Variants in TTC14 observed in about 807,000 individuals in gnomAD.
The protein encoded by TTC14 is tetratricopeptide repeat domain 14.
In TTC14, 63 loss-of-function variants were observed where a neutral mutation model predicts 79.9. The observed-to-expected ratio is 0.79, with a 90% CI of 0.64 to 0.97. TTC14 has a LOEUF of 0.97. Ranked by LOEUF, TTC14 falls within the 50% of genes least tolerant of loss-of-function variation. The pLI is 0.00. For missense variants in TTC14, 895 were observed against 894.0 expected (o/e 1.00, Z -0.01); for synonymous variants, 335 against 309.6 (o/e 1.08, Z -0.86).
At chr3:180,613,098 G>A (rs1717090603), downstream of TTC14, among the ~76,000 whole-genome samples, 1 of 152,152 alleles carries the variant, frequency 6.6e-6, no homozygotes. Context: ...TTATCCTGTA[G>A]GCTGCCTGAA....
downstream of TTC14, chr3:180,613,823 C>T (rs765495202): frequency 1.0e-4 from 45 of 446,030 alleles, no homozygotes; most frequent in Middle Eastern, 3.4e-4. Context: ...CCTTTTTTTT[C>T]GCCCACCTTA....
At chr3:180,611,167 A>G (rs1453903977), downstream of TTC14, 1 of 985,234 alleles carries the variant, frequency 1.0e-6, no homozygotes, top group Non-Finnish European at 1.2e-6. Context: ...TAGGAATAAG[A>G]TCATAAAAGT....
At position 180,610,159 on chromosome 3, in the gene TTC14, T is replaced by A. The variant is rs1339591339; in HGVS notation, c.1930T>A (p.Tyr644Asn). Reference protein sequence around the residue: ...CRNSEDKIYGYRRFEKDIEGR... With the variant: ...CRNSEDKIYGNRRFEKDIEGR... ...GAATTCAGAGGACAAGATTTATGGTTATAGGAGATTTGAAAAGGATATAGA... is the reference window on the plus strand; with the variant it reads ...GAATTCAGAGGACAAGATTTATGGTAATAGGAGATTTGAAAAGGATATAGA... The change falls in exon 12 of 12, where the codon TAT becomes AAT. Residue 644 changes from tyrosine (Y) to asparagine (N), a missense_variant. By Grantham distance (143) the Tyr-to-Asn change is moderately radical. Coordinates refer to ENST00000296015, the MANE Select transcript of TTC14 (RefSeq NM_133462.4). The A allele has an allele frequency of 1.2e-6, 2 of 1,612,984 alleles. No homozygotes were observed. The highest frequency in any genetic ancestry group is 2.7e-5 in the African/African-American group (2 of 74,790).
At position 180,605,901 on chromosome 3, in the gene TTC14, A is replaced by G. The variant is rs917242741; in HGVS notation, c.929+64A>G. ...TCTAAAAGCTTAGGGCAAGGCAAGC[A>G]TGCTTATATCATCAATAAGACAAAT... On this transcript the variant is annotated intron_variant, in intron 7 of 11. Transcript: ENST00000296015. The G allele has an allele frequency of 4.0e-6, 6 of 1,481,692 alleles. No homozygotes were observed. In the African/African-American group the frequency reaches 5.8e-5, roughly 14 times the overall value. 91.8% of individuals were successfully genotyped at this position (1,481,692 alleles called of 1,614,324 possible).
At position 180,604,982 on chromosome 3, in the gene TTC14, C is replaced by T. The variant is rs2108392139; in HGVS notation, c.832C>T (p.Pro278Ser). The part of the protein sequence containing the change: ...EKLGIDESNP[P>S]SLMRGLQSKN... ...ACTAGGAATAGATGAATCTAATCCA[C>T]CATCTTTAATGAGAGGCCTACAAAG... is the stretch of plus-strand genomic sequence containing the variant. Residue 278 changes from proline to serine, a missense_variant, in exon 6 of 12, where the codon CCA becomes TCA. By Grantham distance (74) the Pro-to-Ser change is moderately conservative. Coordinates refer to ENST00000296015, the MANE Select transcript of TTC14 (RefSeq NM_133462.4). 1 of 1,613,298 alleles carries T rather than the reference C, an allele frequency of 6.2e-7. No individual in the cohort carries two copies. The highest frequency in any genetic ancestry group is 8.5e-7 in the Non-Finnish European group (1 of 1,179,734).
intron 11 of TTC14, chr3:180,609,030 T>G (rs1469978355): frequency 1.9e-6 from 2 of 1,031,844 alleles, no homozygotes; most frequent in African/African-American, 3.4e-5. Flanking sequence ...TATCTTAGAA[T>G]TAAAATATAG....
downstream of TTC14, among the ~76,000 whole-genome samples, chr3:180,618,167 C>T (rs925310918): frequency 5.8e-4 from 89 of 152,254 alleles, no homozygotes; most frequent in African/African-American, 2.0e-3. Flanking sequence ...TTATGATGTT[C>T]ACACAGTGAC....
At chr3:180,617,578 A>ATG (rs1436256232) in exon 13 of TTC14, 1 of 468,712 alleles carries the variant, frequency 2.1e-6, no homozygotes, top group Non-Finnish European at 3.8e-6. Context: ...GCTTAGGTTT[A>ATG]TGTGTGTGTA....
At chr3:180,611,584 A>C (rs1337203376), downstream of TTC14, among the ~76,000 whole-genome samples, 1 of 152,220 alleles carries the variant, frequency 6.6e-6, no homozygotes, top group African/African-American at 2.4e-5. Flanking sequence ...CAGCAGCTAG[A>C]GCTGAAGAAC....
At chr3:180,602,807 G>A (rs1465919481) in intron 1 of TTC14, 84 bp from the exon 2 acceptor site, 6 of 1,445,530 alleles carry the variant, frequency 4.2e-6, no homozygotes, top group Non-Finnish European at 4.6e-6. Context: ...AGCGGAATGG[G>A]CGATGAAAGC....
At chr3:180,614,873 A>G, downstream of TTC14, 1 of 1,500,778 alleles carries the variant, frequency 6.7e-7, no homozygotes, top group Non-Finnish European at 9.0e-7. Flanking sequence ...ATTTTAAAGT[A>G]TATTTTTGTT....
At chr3:180,611,505 C>G (rs1377322590), downstream of TTC14, among the ~76,000 whole-genome samples, 1 of 152,144 alleles carries the variant, frequency 6.6e-6, no homozygotes, top group Non-Finnish European at 1.5e-5. Flanking sequence ...TCTCTGATGA[C>G]CCCTTTCTCA....
At position 180,609,659 on chromosome 3, in the gene TTC14, C is replaced by A; in HGVS notation, c.1430C>A (p.Ser477Tyr). 6.4e-7 allele frequency: 1 copy of A among 1,572,024 alleles called. No individual in the cohort carries two copies. Among genetic ancestry groups the A allele is most frequent in the Non-Finnish European group, 8.6e-7 (1 of 1,165,556 alleles). ...AAGAAGAAAAGAAGAAAATCAACTT[C>A]TTCTTCAAGTGTTTCTTCTGCTGAT... ...RLKKKRRKST[S>Y]SSSVSSADES... Residue 477 changes from serine to tyrosine, a missense_variant, in exon 12 of 12, where the codon TCT becomes TAT. Transcript: ENST00000296015.
Position 180,605,791 on chromosome 3 carries a change from G to T in TTC14, c.883G>T (p.Ala295Ser), listed in dbSNP as rs1009917457. 6.4e-7 allele frequency: 1 copy of T among 1,565,288 alleles called. No individual in the cohort carries two copies. The highest frequency in any genetic ancestry group is 8.6e-7 in the Non-Finnish European group (1 of 1,166,068). Residue 295 changes from alanine (A) to serine (S), a missense_variant, in exon 7 of 12, where the codon GCT becomes TCT. Coordinates refer to ENST00000296015, the MANE Select transcript of TTC14 (RefSeq NM_133462.4). ...QSKNFSEDDF[A>S]SALRKKQSAS... ...CAAAAATTTCTCTGAAGATGATTTTGCTTCTGCATTGAGAAAAAAACAATC... is the reference window on the plus strand; with the variant it reads ...CAAAAATTTCTCTGAAGATGATTTTTCTTCTGCATTGAGAAAAAAACAATC...
intron 3 of TTC14, 63 bp downstream of exon 3, chr3:180,603,386 A>G (rs778805765): frequency 5.2e-6 from 7 of 1,337,578 alleles, no homozygotes; most frequent in East Asian, 4.6e-5. Context: ...TGCAAGAACT[A>G]TATCTTTGCA....
At chr3:180,616,877 T>C in intron 12 of TTC14, 1 of 1,599,780 alleles carries the variant, frequency 6.3e-7, no homozygotes, top group Non-Finnish European at 8.6e-7. Context: ...TTTCTTTACT[T>C]AGTTGAAATG....
At chr3:180,612,341 A>C (rs1717024188), downstream of TTC14, among the ~76,000 whole-genome samples, 1 of 152,148 alleles carries the variant, frequency 6.6e-6, no homozygotes, top group Non-Finnish European at 1.5e-5. Flanking sequence ...TGTAGTGGTG[A>C]AGTCTGGGCT....
exon 13 of TTC14, chr3:180,617,428 G>A (rs1029773233): frequency 4.4e-6 from 3 of 675,768 alleles, no homozygotes; most frequent in Admixed American, 4.1e-5. Context: ...CCTCAGGCAG[G>A]TCCTTCAGGA....
At chr3:180,603,441 A>AATTAATTAATTGGAAATT in intron 3 of TTC14, 118 bp downstream of exon 3, 1 of 887,116 alleles carries the variant, frequency 1.1e-6, no homozygotes, top group Non-Finnish European at 1.8e-6. Flanking sequence ...TTTGGAAATT[A>AATTAATTAATTGGAAATT]AATGTTAATT....
Sources: allele counts gnomAD v4.1 joint callset (sites outside exome capture counted in the v4.1 genomes callset), GRCh38; gene constraint gnomAD v4.1.1; transcripts MANE v1.5; gene names NCBI Gene and HGNC (gene_info 2026-07-23, HGNC 2026-07-21).